The following GALNTL6 variants were observed in gnomAD, a reference collection of about 807,000 sequenced individuals.
The protein encoded by GALNTL6 is polypeptide N-acetylgalactosaminyltransferase-like 6.
Under a neutral mutation model 73.7 loss-of-function variants are expected in GALNTL6, and 46 were observed. The observed-to-expected ratio is 0.62, with a 90% CI of 0.49 to 0.80. GALNTL6 has a LOEUF of 0.80. GALNTL6 is among the 30% of genes least tolerant of loss of function. The pLI, the probability that GALNTL6 is intolerant of heterozygous loss-of-function variation, is 0.00. For synonymous variants in GALNTL6, 259 were observed against 263.7 expected, an observed-to-expected ratio of 0.98 and a Z score of 0.17; for missense variants, 604 against 755.0, an observed-to-expected ratio of 0.80 and a Z score of 2.34.
chr4:171,966,785 G>A (rs1739395020), intron 2 of GALNTL6, among the ~76,000 whole-genome samples: 1 of 152,040 alleles, frequency 6.6e-6, no homozygotes, highest in Admixed American at 6.5e-5. Context: ...TTTCTATTGT[G>A]TTATTACTAT....
At chr4:172,469,138 A>C (rs1263526645) in intron 5 of GALNTL6, among the ~76,000 whole-genome samples, 1 of 152,198 alleles carries the variant, frequency 6.6e-6, no homozygotes, top group Non-Finnish European at 1.5e-5. Flanking sequence ...TCTGGGGACA[A>C]AGAACAGGAA....
intron 10 of GALNTL6, among the ~76,000 whole-genome samples, chr4:172,980,348 T>C (rs1001618406): frequency 3.9e-5 from 6 of 152,238 alleles, no homozygotes; most frequent in Non-Finnish European, 5.9e-5. Flanking sequence ...TGCATTCACA[T>C]TGTTGTGCAA....
At chr4:172,057,701 CAAAAAAA>C (rs57041409) in intron 2 of GALNTL6, among the ~76,000 whole-genome samples, 34 of 63,104 alleles carry the variant, frequency 5.4e-4, no homozygotes, top group Middle Eastern at 0.021. Flanking sequence ...GACCCTGTCT[CAAAAAAA>C]AAAAAAAAAA....
intron 5 of GALNTL6, among the ~76,000 whole-genome samples, chr4:172,368,629 C>G (rs889729592): frequency 1.3e-5 from 2 of 151,976 alleles, no homozygotes; most frequent in African/African-American, 4.8e-5. Flanking sequence ...CTTGGTCTCG[C>G]TGACTTCAAG....
intron 8 of GALNTL6, among the ~76,000 whole-genome samples, chr4:172,885,233 A>G (rs190005694): frequency 1.2e-4 from 18 of 152,210 alleles, no homozygotes; most frequent in Admixed American, 8.5e-4. Context: ...TTTTAACAGT[A>G]TTAGTTCTTC....
intron 10 of GALNTL6, among the ~76,000 whole-genome samples, chr4:172,972,407 T>A (rs902105191): frequency 1.3e-5 from 2 of 152,210 alleles, no homozygotes; most frequent in African/African-American, 4.8e-5. Context: ...TGAACACATA[T>A]CAAAAGATAT....
intron 5 of GALNTL6, among the ~76,000 whole-genome samples, chr4:172,588,047 GAAGA>G (rs1737487708): frequency 6.6e-6 from 1 of 152,126 alleles, no homozygotes; most frequent in African/African-American, 2.4e-5. Context: ...CTAAGGAACT[GAAGA>G]TATGGTTGAT....
intron 5 of GALNTL6, among the ~76,000 whole-genome samples, chr4:172,560,039 A>G (rs747542991): frequency 1.6e-4 from 25 of 152,230 alleles, no homozygotes; most frequent in Non-Finnish European, 3.5e-4. Context: ...TTCAACTTGC[A>G]TCCTGATATG....
At chr4:171,830,394 C>A (rs944518857) in intron 2 of GALNTL6, among the ~76,000 whole-genome samples, 2 of 152,074 alleles carry the variant, frequency 1.3e-5, no homozygotes, top group East Asian at 3.9e-4. Flanking sequence ...GAGTGCTTAG[C>A]ATTATCTGAC....
At chr4:172,873,639 C>G (rs1023674263) in intron 7 of GALNTL6, among the ~76,000 whole-genome samples, 13 of 152,216 alleles carry the variant, frequency 8.5e-5, no homozygotes, top group Non-Finnish European at 1.6e-4. Flanking sequence ...GATGAAACTT[C>G]TTTGTGGATA....
chr4:171,871,777 C>T (rs1265811367), intron 2 of GALNTL6, among the ~76,000 whole-genome samples: 3 of 152,118 alleles, frequency 2.0e-5, no homozygotes, highest in Admixed American at 2.0e-4. Flanking sequence ...TTAGATTTGT[C>T]ATCTGTTGTA....
chr4:172,943,267 C>G (rs377743422), intron 9 of GALNTL6, among the ~76,000 whole-genome samples: 3 of 152,094 alleles, frequency 2.0e-5, no homozygotes, highest in Admixed American at 6.6e-5. Flanking sequence ...TCCTACTCAG[C>G]ACTCATAGCA....
intron 5 of GALNTL6, among the ~76,000 whole-genome samples, chr4:172,390,309 A>C (rs924857427): frequency 6.6e-6 from 1 of 152,250 alleles, no homozygotes; most frequent in African/African-American, 2.4e-5. Flanking sequence ...TGGACTGTTT[A>C]AACTTTAATT....
At chr4:172,691,487 A>G (rs1229403862) in intron 5 of GALNTL6, among the ~76,000 whole-genome samples, 1 of 152,086 alleles carries the variant, frequency 6.6e-6, no homozygotes, top group Admixed American at 6.5e-5. Flanking sequence ...CATGACTCAG[A>G]CTCTTTAGGA....
intron 2 of GALNTL6, among the ~76,000 whole-genome samples, chr4:172,159,779 A>G (rs1004964153): frequency 6.6e-6 from 1 of 152,164 alleles, no homozygotes; most frequent in African/African-American, 2.4e-5. Flanking sequence ...GAAGTAATAT[A>G]ATCATACATG....
intron 5 of GALNTL6, among the ~76,000 whole-genome samples, chr4:172,788,597 G>C (rs1014163400): frequency 4.0e-5 from 6 of 151,060 alleles, no homozygotes; most frequent in African/African-American, 1.5e-4. Context: ...CCGTGAAACC[G>C]GGAGGCGGAG....
intron 2 of GALNTL6, among the ~76,000 whole-genome samples, chr4:172,171,021 G>GT (rs1237472011): frequency 6.6e-6 from 1 of 152,110 alleles, no homozygotes; most frequent in Non-Finnish European, 1.5e-5. Context: ...CCTTGCCCCA[G>GT]TTTATCTCTC....
chr4:172,935,338 T>C (rs1189918316), intron 9 of GALNTL6, among the ~76,000 whole-genome samples: 1 of 152,124 alleles, frequency 6.6e-6, no homozygotes, highest in Admixed American at 6.5e-5. Context: ...TTTTTTCATT[T>C]TAAAATTTCA....
intron 8 of GALNTL6, among the ~76,000 whole-genome samples, chr4:172,903,850 AT>A (rs570182575): frequency 3.3e-5 from 5 of 151,936 alleles, no homozygotes; most frequent in Non-Finnish European, 7.4e-5. Context: ...TTCAACTTTT[AT>A]TTTAGATCCA....
Sources: gnomAD v4.1 joint callset for allele counts (sites outside exome capture counted in the v4.1 genomes callset) on GRCh38, gnomAD v4.1.1 for gene constraint, MANE v1.5 for transcripts, NCBI Gene and HGNC (gene_info 2026-07-23, HGNC 2026-07-21) for gene names.